AXDND1: variants seen among roughly 807,000 people sequenced by gnomAD.
The protein encoded by AXDND1 is axonemal dynein light chain domain containing 1, also known as axonemal dynein light chain domain-containing protein 1.
In AXDND1, 110 loss-of-function variants were observed where a neutral mutation model predicts 137.5. That is an observed-to-expected ratio of 0.80 (90% CI 0.69 to 0.94). The LOEUF (loss-of-function observed/expected upper bound fraction) is 0.94, where lower values mean the gene tolerates loss of function less well. Ranked by LOEUF, AXDND1 falls within the 40% of genes least tolerant of loss-of-function variation. The probability of loss-of-function intolerance (pLI) is 0.00; values close to 1 mark genes in which losing one functional copy is unlikely to be tolerated. For synonymous variants in AXDND1, 414 were observed against 399.7 expected (o/e 1.04, Z -0.43); for missense variants, 1,191 against 1,169.8 (o/e 1.02, Z -0.26).
At chr1:179,408,665 C>T (rs1653361613) in intron 11 of AXDND1, among the ~76,000 whole-genome samples, 1 of 152,126 alleles carries the variant, frequency 6.6e-6, no homozygotes, top group Non-Finnish European at 1.5e-5. Flanking sequence ...GCATGAGCCA[C>T]CAAACCTGGA....
intron 16 of AXDND1, chr1:179,456,157 C>G: frequency 1.7e-6 from 1 of 601,026 alleles, no homozygotes; most frequent in Non-Finnish European, 3.1e-6. Context: ...GTTCACAAAT[C>G]TGTTGTAACC....
At chr1:179,495,338 C>T (rs1667334810) in intron 20 of AXDND1, among the ~76,000 whole-genome samples, 1 of 151,958 alleles carries the variant, frequency 6.6e-6, no homozygotes, top group South Asian at 2.1e-4. Context: ...TCTATCTCTT[C>T]ATTTGTTTGT....
intron 17 of AXDND1, among the ~76,000 whole-genome samples, chr1:179,475,452 G>A (rs1292188053): frequency 1.3e-5 from 2 of 152,230 alleles, no homozygotes; most frequent in Non-Finnish European, 2.9e-5. Context: ...ACCTGGATGT[G>A]AGATGTGGAA....
chr1:179,486,680 A>T lies in AXDND1; in HGVS notation c.2091+3459A>T, dbSNP rs183333278. Among the ~76,000 whole-genome samples, 49 of 149,118 alleles carry T rather than the reference A, an allele frequency of 3.3e-4. No individual in the cohort carries two copies. The East Asian group carries it at 9.3e-3, about 28-fold the overall frequency. On this transcript the variant is annotated intron_variant, in intron 18 of 25. Coordinates refer to ENST00000367618, the MANE Select transcript of AXDND1 (RefSeq NM_144696.6). ...AAGAAATTGTGGGCTTATGTTCAGC[A>T]TTCTTAGAAAAGAAATTCCAAACAA... is the stretch of plus-strand genomic sequence containing the variant.
chr1:179,409,571 G>A (rs1038302975), intron 11 of AXDND1, among the ~76,000 whole-genome samples: 3 of 152,040 alleles, frequency 2.0e-5, no homozygotes, highest in Non-Finnish European at 4.4e-5. Context: ...AATTTCCCAT[G>A]TACCAAAGTA....
At position 179,369,978 on chromosome 1, in the gene AXDND1, A is replaced by G. The variant is rs201191947; in HGVS notation, c.274A>G (p.Thr92Ala). 8.1e-5 allele frequency: 131 copies of G among 1,612,690 alleles called. No homozygotes were observed. The highest frequency in any genetic ancestry group is 5.7e-4 in the Admixed American group (34 of 59,890). Reference protein sequence around the residue: ...PPKKIKTPKGTLPRLVDHVWH... With the variant: ...PPKKIKTPKGALPRLVDHVWH... The stretch of plus-strand genomic sequence containing the variant: ...ATGTGTATTTGCTTTTTCCCAGGGC[A>G]CTCTTCCACGCCTTGTAGACCATGT... Residue 92 changes from threonine to alanine, a missense_variant, in exon 4 of 26, where the codon ACT becomes GCT. Physicochemically the swap from Thr to Ala is moderately conservative, Grantham distance 58. Coordinates refer to ENST00000367618, the MANE Select transcript of AXDND1 (RefSeq NM_144696.6).
intron 15 of AXDND1, among the ~76,000 whole-genome samples, chr1:179,439,236 G>T (rs985024138): frequency 3.9e-5 from 6 of 152,134 alleles, no homozygotes; most frequent in Non-Finnish European, 8.8e-5. Flanking sequence ...CAATTAGGGC[G>T]ACTGGGCCAG....
chr1:179,375,554 G>A (rs1365648802), intron 4 of AXDND1, among the ~76,000 whole-genome samples: 2 of 150,298 alleles, frequency 1.3e-5, no homozygotes, highest in East Asian at 3.9e-4. Flanking sequence ...GGTATATACT[G>A]TACACATATA....
At chr1:179,437,542 C>G (rs1226283506) in intron 15 of AXDND1, among the ~76,000 whole-genome samples, 1 of 152,112 alleles carries the variant, frequency 6.6e-6, no homozygotes, top group Non-Finnish European at 1.5e-5. Flanking sequence ...CTGAGTTGGT[C>G]ACATCCCACA....
intron 23 of AXDND1, among the ~76,000 whole-genome samples, chr1:179,532,508 A>G (rs546829449): frequency 2.0e-5 from 3 of 152,338 alleles, no homozygotes; most frequent in African/African-American, 7.2e-5. Flanking sequence ...GTACTTTCCA[A>G]ACAAGTTACC....
At chr1:179,383,948 C>T (rs1648797107) in intron 8 of AXDND1, among the ~76,000 whole-genome samples, 1 of 152,140 alleles carries the variant, frequency 6.6e-6, no homozygotes, top group African/African-American at 2.4e-5. Context: ...TGTTCTCAAA[C>T]TCCTGACCTC....
chr1:179,520,636 A>G (rs952014306), intron 21 of AXDND1, among the ~76,000 whole-genome samples: 1 of 151,904 alleles, frequency 6.6e-6, no homozygotes, highest in Admixed American at 6.6e-5. Context: ...AAACTAGCAT[A>G]ATATTAAATT....
At chr1:179,505,920 T>C (rs973305004) in intron 20 of AXDND1, among the ~76,000 whole-genome samples, 1 of 152,196 alleles carries the variant, frequency 6.6e-6, no homozygotes, top group Non-Finnish European at 1.5e-5. Flanking sequence ...TTAGGAGGAC[T>C]CAGTTCTGAG....
intron 20 of AXDND1, among the ~76,000 whole-genome samples, chr1:179,505,120 A>AC (rs1403772595): frequency 2.4e-4 from 36 of 152,152 alleles, no homozygotes; most frequent in African/African-American, 8.7e-4. Flanking sequence ...AATCTTTATG[A>AC]CATCAGACTT....
At chr1:179,540,169 A>G (rs1671989727) in intron 25 of AXDND1, among the ~76,000 whole-genome samples, 1 of 151,656 alleles carries the variant, frequency 6.6e-6, no homozygotes, top group African/African-American at 2.4e-5. Context: ...GTTTGTTATT[A>G]CCCACCTTCT....
intron 18 of AXDND1, among the ~76,000 whole-genome samples, chr1:179,489,658 C>T (rs930311269): frequency 1.3e-5 from 2 of 151,818 alleles, no homozygotes; most frequent in Admixed American, 6.6e-5. Flanking sequence ...CATTAATCAA[C>T]GTTGCTTTAG....
chr1:179,534,709 G>T (rs776398884), intron 24 of AXDND1, 21 bp from the exon 25 acceptor site: 1 of 1,555,166 alleles, frequency 6.4e-7, no homozygotes, highest in African/African-American at 1.4e-5. Context: ...CTATTTTGTT[G>T]TGTCTTCTCT....
chr1:179,452,087 A>G (rs1660620477), intron 16 of AXDND1: 1 of 152,990 alleles, frequency 6.5e-6, no homozygotes, highest in Non-Finnish European at 1.5e-5. Flanking sequence ...TTTGAACAAG[A>G]TGCTAATAAT....
chr1:179,532,446 G>A (rs1238768688), intron 23 of AXDND1, among the ~76,000 whole-genome samples: 2 of 152,136 alleles, frequency 1.3e-5, no homozygotes, highest in East Asian at 3.8e-4. Flanking sequence ...TGTGTGCCAG[G>A]CGGGCACAGC....
Sources: gnomAD v4.1 joint callset for allele counts (sites outside exome capture counted in the v4.1 genomes callset) on GRCh38, gnomAD v4.1.1 for gene constraint, MANE v1.5 for transcripts, NCBI Gene and HGNC (gene_info 2026-07-23, HGNC 2026-07-21) for gene names.